ATXN1: variants seen among roughly 807,000 people sequenced by gnomAD.
ATXN1 encodes ataxin-1.
A neutral mutation model predicts 56.4 loss-of-function variants in ATXN1; 8 were observed. That is an observed-to-expected ratio of 0.14 (90% CI 0.08 to 0.26). The LOEUF (loss-of-function observed/expected upper bound fraction) is 0.26. Ranked by LOEUF, ATXN1 falls within the 10% of genes least tolerant of loss-of-function variation. The probability of loss-of-function intolerance (pLI) is 1.00; values close to 1 mark genes in which losing one functional copy is unlikely to be tolerated. For synonymous variants in ATXN1, 514 were observed against 494.6 expected (o/e 1.04, Z -0.52); for missense variants, 987 against 1,106.5 (o/e 0.89, Z 1.53).
In ATXN1 at chr6:16,571,889, G is replaced by A. The variant is rs1028674880; in HGVS notation, c.-361+13891C>T. 3.3e-5 allele frequency among the ~76,000 whole-genome samples: 5 copies of A among 152,028 alleles called. No individual in the cohort carries two copies. In the East Asian group the frequency reaches 5.8e-4, roughly 18 times the overall value. On this transcript the variant is annotated intron_variant, in intron 4 of 7. Coordinates refer to ENST00000436367, the MANE Select transcript of ATXN1 (RefSeq NM_001128164.2). ...CGCTGTCCAGGCTGGTCTCAAACTC[G>A]TGGCTTCAAGTGATCCTTCCACCTC...
chr6:16,391,974 G>C (rs954229202), intron 6 of ATXN1, among the ~76,000 whole-genome samples: 14 of 152,170 alleles, frequency 9.2e-5, no homozygotes, highest in Non-Finnish European at 2.9e-5. Context: ...CAGCAGTCAG[G>C]TTACCAGGAT....
At position 16,665,189 on chromosome 6, in the gene ATXN1, G is replaced by A. The variant is rs576873355; in HGVS notation, c.-614-7288C>T. On this transcript the variant is annotated intron_variant, in intron 2 of 7. Transcript: ENST00000436367. Reference sequence around the variant, plus strand: ...TATATCATACCAAAACTCAATAAGTGGTAGTTTCTTAAAGGGGAGCAGCAC... The same window carrying A: ...TATATCATACCAAAACTCAATAAGTAGTAGTTTCTTAAAGGGGAGCAGCAC... Among the ~76,000 whole-genome samples the A allele has an allele frequency of 7.2e-5, 11 of 152,100 alleles. No individual in the cohort carries two copies. In the South Asian group the frequency reaches 2.3e-3, roughly 32 times the overall value.
intron 4 of ATXN1, among the ~76,000 whole-genome samples, chr6:16,539,293 A>G (rs754672609): frequency 2.3e-4 from 35 of 152,066 alleles, no homozygotes; most frequent in Non-Finnish European, 3.8e-4. Flanking sequence ...GCATCTTTTC[A>G]TCTTCAGCTC....
At chr6:16,678,234 T>A (rs1440165978) in intron 2 of ATXN1, among the ~76,000 whole-genome samples, 1 of 150,598 alleles carries the variant, frequency 6.6e-6, no homozygotes, top group Non-Finnish European at 1.5e-5. Context: ...TCTTATTTTT[T>A]CATAATCTGA....
chr6:16,309,927 G>C (rs369686415), intron 7 of ATXN1, among the ~76,000 whole-genome samples: 1 of 151,958 alleles, frequency 6.6e-6, no homozygotes, highest in Non-Finnish European at 1.5e-5. Context: ...CCAGCTACTC[G>C]GGGGGCTGAG....
intron 3 of ATXN1, among the ~76,000 whole-genome samples, chr6:16,591,689 G>C (rs1004117683): frequency 3.3e-5 from 5 of 151,952 alleles, no homozygotes; most frequent in Non-Finnish European, 5.9e-5. Context: ...GCTCCTTAGG[G>C]GCCCCAGCGA....
intron 6 of ATXN1, among the ~76,000 whole-genome samples, chr6:16,425,450 G>A (rs898200889): frequency 4.6e-5 from 7 of 152,166 alleles, no homozygotes; most frequent in African/African-American, 1.7e-4. Context: ...CAGATCACCT[G>A]GTAGTGAACC....
intron 7 of ATXN1, among the ~76,000 whole-genome samples, chr6:16,318,759 A>AT (rs1268213395): frequency 2.6e-5 from 4 of 152,158 alleles, no homozygotes. Context: ...TTTCTTACAC[A>AT]TGGTAGCGTG....
intron 6 of ATXN1, among the ~76,000 whole-genome samples, chr6:16,372,670 T>C (rs1762064341): frequency 6.6e-6 from 1 of 152,164 alleles, no homozygotes; most frequent in Admixed American, 6.5e-5. Flanking sequence ...TCCAAGCTCT[T>C]TGGGAGTCTG....
At chr6:16,424,235 G>A (rs560267692) in intron 6 of ATXN1, among the ~76,000 whole-genome samples, 1 of 152,286 alleles carries the variant, frequency 6.6e-6, no homozygotes, top group South Asian at 2.1e-4. Flanking sequence ...CCTACAGGCA[G>A]AATCAAGAGC....
intron 6 of ATXN1, among the ~76,000 whole-genome samples, chr6:16,405,006 G>T (rs1299174638): frequency 1.3e-5 from 2 of 152,156 alleles, no homozygotes; most frequent in Non-Finnish European, 2.9e-5. Flanking sequence ...TGGTGTTTGG[G>T]TACTTTCTCA....
At chr6:16,459,931 TACA>T (rs1449943909) in intron 6 of ATXN1, among the ~76,000 whole-genome samples, 2 of 152,198 alleles carry the variant, frequency 1.3e-5, no homozygotes, top group Admixed American at 6.5e-5. Flanking sequence ...CAGCTCTGCC[TACA>T]ACAAGTCAAA....
intron 6 of ATXN1, among the ~76,000 whole-genome samples, chr6:16,419,338 A>T (rs1758984324): frequency 6.6e-6 from 1 of 152,128 alleles, no homozygotes; most frequent in Admixed American, 6.5e-5. Context: ...TATCTATTCC[A>T]ATCATTATTA....
At chr6:16,489,437 T>C (rs953205555) in intron 5 of ATXN1, among the ~76,000 whole-genome samples, 2 of 152,214 alleles carry the variant, frequency 1.3e-5, no homozygotes, top group Admixed American at 1.3e-4. Flanking sequence ...AGCCTTTCTA[T>C]TCTGTTCTTC....
At chr6:16,554,131 G>A (rs1477853636) in intron 4 of ATXN1, among the ~76,000 whole-genome samples, 2 of 152,144 alleles carry the variant, frequency 1.3e-5, no homozygotes, top group East Asian at 3.9e-4. Flanking sequence ...ACACACAATC[G>A]TTTAAGATGA....
chr6:16,376,902 G>C (rs1195344619), intron 6 of ATXN1, among the ~76,000 whole-genome samples: 1 of 152,186 alleles, frequency 6.6e-6, no homozygotes, highest in Admixed American at 6.5e-5. Context: ...TGTATGCAGA[G>C]AGCTGCAGAC....
At chr6:16,677,478 C>T (rs1758712106) in intron 2 of ATXN1, among the ~76,000 whole-genome samples, 1 of 152,116 alleles carries the variant, frequency 6.6e-6, no homozygotes, top group Non-Finnish European at 1.5e-5. Context: ...TCTGTGTCCT[C>T]ATCATTAGGT....
At chr6:16,731,454 CTTTTTTTTTT>C (rs71559655) in intron 2 of ATXN1, among the ~76,000 whole-genome samples, 7 of 81,792 alleles carry the variant, frequency 8.6e-5, no homozygotes, top group East Asian at 7.5e-4. Flanking sequence ...TTTTTCTTTT[CTTTTTTTTTT>C]TTTTTTTTTT....
In ATXN1 at chr6:16,327,343, A is replaced by C; in HGVS notation, c.968T>G (p.Val323Gly). Reference protein sequence around the residue: ...RLQQAIQAKEVLNGEMEKSRR... With the variant: ...RLQQAIQAKEGLNGEMEKSRR... The stretch of plus-strand genomic sequence containing the variant: ...GCTCTTCTCCATCTCACCGTTCAGG[A>C]CCTCCTTGGCCTGGATGGCCTGCTG... The change falls in exon 7 of 8, where the codon GTC becomes GGC. Residue 323 changes from valine to glycine, a missense_variant. By Grantham distance (109) the Val-to-Gly change is moderately radical (BLOSUM62 -3). This residue lies in a region of ATXN1 where 723 missense variants were observed against 791.7 expected (regional missense o/e 0.91). Coordinates refer to ENST00000436367, the MANE Select transcript of ATXN1 (RefSeq NM_001128164.2). 6.2e-7 allele frequency: 1 copy of C among 1,612,106 alleles called. No homozygotes were observed. Among genetic ancestry groups the C allele is most frequent in the Non-Finnish European group, 8.5e-7 (1 of 1,179,814 alleles).
Sources: gnomAD v4.1 joint callset for allele counts (sites outside exome capture counted in the v4.1 genomes callset) on GRCh38, gnomAD v4.1.1 for gene constraint, gnomAD v4.1.1 regional missense constraint, MANE v1.5 for transcripts, NCBI Gene and HGNC (gene_info 2026-07-23, HGNC 2026-07-21) for gene names.